Variants in RCAN2 observed in about 807,000 individuals in gnomAD.
RCAN2 encodes the protein regulator of calcineurin 2.
RCAN2 carries 9 observed loss-of-function variants against 23.6 expected under a neutral mutation model. The ratio of observed to expected loss-of-function variants is 0.38; its 90% CI spans 0.23 to 0.67. The LOEUF is 0.67. RCAN2 is among the 30% of genes least tolerant of loss of function. RCAN2 has a pLI of 0.51. For synonymous variants in RCAN2, 109 were observed against 115.7 expected, an observed-to-expected ratio of 0.94 and a Z score of 0.37; for missense variants, 273 against 302.3, an observed-to-expected ratio of 0.90 and a Z score of 0.72.
At chr6:46,382,272 A>G (rs1765631356) in intron 2 of RCAN2, among the ~76,000 whole-genome samples, 1 of 152,204 alleles carries the variant, frequency 6.6e-6, no homozygotes, top group South Asian at 2.1e-4. Context: ...ATTAAATTAT[A>G]TTCTTTGTTA....
chr6:46,446,710 G>A (rs1055355739), intron 2 of RCAN2, among the ~76,000 whole-genome samples: 27 of 151,984 alleles, frequency 1.8e-4, no homozygotes, highest in Non-Finnish European at 2.4e-4. Context: ...CATAAAATGC[G>A]GAAAGAGGAG....
rs781518205 is a variant in RCAN2 at position 46,223,245 on chromosome 6, C to T, written c.628G>A (p.Val210Met). 2.5e-6 allele frequency: 4 copies of T among 1,613,894 alleles called. No homozygotes were observed. The highest frequency in any genetic ancestry group is 1.1e-5 in the South Asian group (1 of 91,070). Residue 210 changes from valine to methionine, a missense_variant, in exon 5 of 5, where the codon GTG becomes ATG. Val to Met is a conservative substitution (Grantham distance 21). Coordinates refer to ENST00000371374, the MANE Select transcript of RCAN2 (RefSeq NM_001251974.2). ...TCTTCCTCTATGTCACTGTCGCACA[C>T]GTGCACGACGACACTTGGGGTGGAC... ...TESTPSVVVH[V>M]CDSDIEEEED...
At chr6:46,280,679 C>G (rs990832412) in intron 2 of RCAN2, among the ~76,000 whole-genome samples, 3 of 152,192 alleles carry the variant, frequency 2.0e-5, no homozygotes, top group African/African-American at 7.2e-5. Flanking sequence ...GATGCTGTAG[C>G]TTTTTATGAA....
chr6:46,234,810 C>G (rs1766031942), intron 4 of RCAN2, among the ~76,000 whole-genome samples: 1 of 152,264 alleles, frequency 6.6e-6, no homozygotes, highest in African/African-American at 2.4e-5. Flanking sequence ...TGCCAAAGTT[C>G]TGTCTCGTCT....
intron 2 of RCAN2, among the ~76,000 whole-genome samples, chr6:46,388,343 C>A (rs1489441085): frequency 6.6e-6 from 1 of 152,006 alleles, no homozygotes; most frequent in Non-Finnish European, 1.5e-5. Context: ...AACACTTTTA[C>A]ACTGTTGGTG....
intron 2 of RCAN2, among the ~76,000 whole-genome samples, chr6:46,292,530 T>A (rs572012193): frequency 7.3e-5 from 11 of 151,188 alleles, no homozygotes; most frequent in South Asian, 6.3e-4. Flanking sequence ...TGTTAGCATA[T>A]AATTGAACCT....
intron 2 of RCAN2, among the ~76,000 whole-genome samples, chr6:46,290,274 A>G (rs1582070438): frequency 6.6e-6 from 1 of 152,220 alleles, no homozygotes; most frequent in East Asian, 1.9e-4. Flanking sequence ...AAAATCATGA[A>G]CTAATGTAAA....
chr6:46,365,418 G>A (rs947271589), intron 2 of RCAN2, among the ~76,000 whole-genome samples: 5 of 151,432 alleles, frequency 3.3e-5, no homozygotes, highest in Non-Finnish European at 5.9e-5. Flanking sequence ...GGAGTTTGCG[G>A]TGAGCCGAGA....
intron 2 of RCAN2, among the ~76,000 whole-genome samples, chr6:46,437,784 G>T (rs779619754): frequency 1.3e-5 from 2 of 152,086 alleles, no homozygotes; most frequent in Non-Finnish European, 2.9e-5. Context: ...AGACACAGGG[G>T]CTATTCTTAG....
intron 2 of RCAN2, among the ~76,000 whole-genome samples, chr6:46,434,993 A>G (rs1413641009): frequency 6.6e-6 from 1 of 152,218 alleles, no homozygotes; most frequent in Non-Finnish European, 1.5e-5. Context: ...CATATTAGTT[A>G]TATTTCTGGC....
At chr6:46,227,195 T>A (rs1181713608) in intron 4 of RCAN2, among the ~76,000 whole-genome samples, 1 of 152,236 alleles carries the variant, frequency 6.6e-6, no homozygotes, top group Non-Finnish European at 1.5e-5. Context: ...TTGCCACTAT[T>A]TAATTGAGGA....
chr6:46,246,664 C>G, intron 4 of RCAN2, 84 bp downstream of exon 4: 1 of 1,149,124 alleles, frequency 8.7e-7, no homozygotes, highest in Non-Finnish European at 1.3e-6. Flanking sequence ...TACTGTGAAC[C>G]CAGGATCTCA....
intron 2 of RCAN2, among the ~76,000 whole-genome samples, chr6:46,270,759 G>A (rs1767496692): frequency 6.6e-6 from 1 of 152,190 alleles, no homozygotes; most frequent in African/African-American, 2.4e-5. Flanking sequence ...AGCTGCTGTG[G>A]TGTGAGTTGC....
Position 46,248,883 on chromosome 6 carries a change from C to T in RCAN2, c.239G>A (p.Gly80Glu). ...EGEESKEKFEGLFRTYDDCVT... is the reference protein window; with the variant it reads ...EGEESKEKFEELFRTYDDCVT... ...ACAGTCATCATAAGTCCGAAACAGT[C>T]CCTCAAATTTTTCCTGATAAAAACA... Residue 80 changes from glycine to glutamate, a missense_variant, in exon 3 of 5, where the codon GGA becomes GAA. By Grantham distance (98) the Gly-to-Glu change is moderately conservative. Coordinates refer to ENST00000371374, the MANE Select transcript of RCAN2 (RefSeq NM_001251974.2). The T allele has an allele frequency of 1.2e-6, 2 of 1,602,320 alleles. No homozygotes were observed. Among genetic ancestry groups the T allele is most frequent in the Non-Finnish European group, 1.7e-6 (2 of 1,175,196 alleles).
chr6:46,357,686 G>A (rs1231606155), intron 2 of RCAN2, among the ~76,000 whole-genome samples: 3 of 152,122 alleles, frequency 2.0e-5, no homozygotes, highest in Non-Finnish European at 2.9e-5. Context: ...AGCTCAGCAG[G>A]GTTGACACAG....
At chr6:46,319,805 C>T (rs1763551164) in intron 2 of RCAN2, among the ~76,000 whole-genome samples, 1 of 152,050 alleles carries the variant, frequency 6.6e-6, no homozygotes, top group Admixed American at 6.6e-5. Context: ...AATTCTAGTC[C>T]ATGTTATTAC....
chr6:46,303,771 C>A (rs534535756), intron 2 of RCAN2, among the ~76,000 whole-genome samples: 1 of 152,182 alleles, frequency 6.6e-6, no homozygotes, highest in Non-Finnish European at 1.5e-5. Context: ...AATCTGTTTT[C>A]TTTTACTCTA....
intron 2 of RCAN2, among the ~76,000 whole-genome samples, chr6:46,264,812 A>G (rs1300518974): frequency 6.6e-6 from 1 of 152,240 alleles, no homozygotes; most frequent in East Asian, 1.9e-4. Flanking sequence ...GGAATTTATT[A>G]GATATGACTT....
At chr6:46,325,861 TTGTTGCAGCCGAGTGC>T (rs1582106788) in intron 2 of RCAN2, 1 of 985,078 alleles carries the variant, frequency 1.0e-6, no homozygotes, top group East Asian at 1.1e-4. Context: ...GTCATAGCTG[TTGTTGCAGCCGAGTGC>T]TTATGTTTGC....
Sources: allele counts gnomAD v4.1 joint callset (sites outside exome capture counted in the v4.1 genomes callset), GRCh38; gene constraint gnomAD v4.1.1; transcripts MANE v1.5; gene names NCBI Gene and HGNC (gene_info 2026-07-23, HGNC 2026-07-21).